The following TRAPPC8 variants were observed in gnomAD, a reference collection of about 807,000 sequenced individuals.
TRAPPC8 encodes trafficking protein particle complex subunit 8.
In TRAPPC8, 54 loss-of-function variants were observed where a neutral mutation model predicts 174.3. That is an observed-to-expected ratio of 0.31 (90% CI 0.25 to 0.39). The LOEUF (loss-of-function observed/expected upper bound fraction) is 0.39, where lower values mean the gene tolerates loss of function less well. Ranked by LOEUF, TRAPPC8 falls within the 10% of genes least tolerant of loss-of-function variation. The pLI is 1.00. For missense variants in TRAPPC8, 1,531 were observed against 1,699.1 expected, an observed-to-expected ratio of 0.90 and a Z score of 1.74; for synonymous variants, 630 against 579.9, an observed-to-expected ratio of 1.09 and a Z score of -1.24.
chr18:31,888,465 T>C (rs1358465728), intron 12 of TRAPPC8, among the ~76,000 whole-genome samples: 2 of 152,166 alleles, frequency 1.3e-5, no homozygotes, highest in Non-Finnish European at 2.9e-5. Flanking sequence ...ATGGCACACA[T>C]ATGTTCACTG....
intron 11 of TRAPPC8, among the ~76,000 whole-genome samples, chr18:31,894,664 C>T (rs538009573): frequency 3.9e-5 from 6 of 152,092 alleles, no homozygotes; most frequent in East Asian, 1.9e-4. Flanking sequence ...GTTGATAAAG[C>T]CACCAGTTGC....
intron 12 of TRAPPC8, among the ~76,000 whole-genome samples, chr18:31,875,180 A>T (rs971837520): frequency 8.5e-5 from 13 of 152,114 alleles, no homozygotes; most frequent in African/African-American, 3.1e-4. Context: ...GAAGCATGCT[A>T]TGTCTACAAA....
intron 9 of TRAPPC8, among the ~76,000 whole-genome samples, chr18:31,904,214 C>A (rs534817883): frequency 2.8e-5 from 4 of 143,700 alleles, no homozygotes; most frequent in Non-Finnish European, 4.5e-5. Context: ...CCAGCCTGGG[C>A]AACAGAGCAA....
intron 17 of TRAPPC8, 65 bp from the exon 18 acceptor site, chr18:31,867,040 T>C (rs981947332): frequency 8.5e-6 from 13 of 1,524,122 alleles, no homozygotes; most frequent in Non-Finnish European, 1.2e-5. Flanking sequence ...CAATACCTAA[T>C]TCTATAATGT....
chr18:31,850,902 T>A (rs1311066067), intron 24 of TRAPPC8, among the ~76,000 whole-genome samples: 1 of 152,118 alleles, frequency 6.6e-6, no homozygotes, highest in Non-Finnish European at 1.5e-5. Context: ...TTAAAAGTTT[T>A]TAAAGAAATT....
intron 12 of TRAPPC8, among the ~76,000 whole-genome samples, chr18:31,883,904 G>A (rs1163022387): frequency 1.3e-5 from 2 of 152,164 alleles, no homozygotes; most frequent in African/African-American, 4.8e-5. Context: ...AAACCAGTTG[G>A]GAGGTCGAGC....
At chr18:31,898,629 T>A (rs1333388490) in intron 10 of TRAPPC8, among the ~76,000 whole-genome samples, 1 of 152,242 alleles carries the variant, frequency 6.6e-6, no homozygotes, top group African/African-American at 2.4e-5. Flanking sequence ...GGTAGTACCA[T>A]TAGGATATTT....
intron 1 of TRAPPC8, among the ~76,000 whole-genome samples, chr18:31,933,020 A>AAAG (rs1568153937): frequency 6.9e-4 from 89 of 128,924 alleles, no homozygotes; most frequent in African/African-American, 2.4e-3. Context: ...AAAAAAAAAA[A>AAAG]GCCGGGCGCA....
intron 2 of TRAPPC8, among the ~76,000 whole-genome samples, chr18:31,928,534 GA>G (rs951117879): frequency 7.4e-5 from 11 of 149,436 alleles, no homozygotes; most frequent in African/African-American, 2.5e-4. Flanking sequence ...TTAAAAATAA[GA>G]AAAAAAAATA....
At chr18:31,845,160 G>A (rs1370738236) in intron 26 of TRAPPC8, 23 of 146,160 alleles carry the variant, frequency 1.6e-4, no homozygotes, top group African/African-American at 5.2e-4. Flanking sequence ...CAGCCTGGGC[G>A]ACAGCGAGAC....
chr18:31,900,856 G>C, intron 10 of TRAPPC8, 69 bp downstream of exon 10: 1 of 1,180,760 alleles, frequency 8.5e-7, no homozygotes, highest in South Asian at 1.4e-5. Flanking sequence ...TTAGGAATGG[G>C]GAAAAAAAAA....
chr18:31,917,262 G>A (rs888076097), intron 3 of TRAPPC8, among the ~76,000 whole-genome samples: 2 of 151,938 alleles, frequency 1.3e-5, no homozygotes, highest in African/African-American at 4.8e-5. Flanking sequence ...AGTTAACATT[G>A]TTTAGATTTT....
At chr18:31,880,010 A>G (rs2035340788) in intron 12 of TRAPPC8, among the ~76,000 whole-genome samples, 1 of 146,566 alleles carries the variant, frequency 6.8e-6, no homozygotes, top group African/African-American at 2.5e-5. Flanking sequence ...GAAGCCCAAG[A>G]TAGCTGGATT....
intron 27 of TRAPPC8, among the ~76,000 whole-genome samples, chr18:31,834,850 A>G (rs1275374936): frequency 2.0e-5 from 3 of 151,946 alleles, no homozygotes; most frequent in Non-Finnish European, 2.9e-5. Flanking sequence ...CCATTTCCTC[A>G]CATTTCTACT....
At chr18:31,834,888 G>C (rs1236295748) in intron 27 of TRAPPC8, among the ~76,000 whole-genome samples, 1 of 152,062 alleles carries the variant, frequency 6.6e-6, no homozygotes, top group African/African-American at 2.4e-5. Flanking sequence ...ATTAAATTAA[G>C]AATGCTTCCT....
intron 26 of TRAPPC8, among the ~76,000 whole-genome samples, chr18:31,841,193 A>C (rs1598588491): frequency 6.6e-6 from 1 of 152,190 alleles, no homozygotes; most frequent in East Asian, 1.9e-4. Context: ...CTGGAATAGA[A>C]AAGGAACTTG....
intron 2 of TRAPPC8, among the ~76,000 whole-genome samples, chr18:31,929,305 A>G (rs190395330): frequency 1.3e-5 from 2 of 152,242 alleles, no homozygotes; most frequent in East Asian, 1.9e-4. Context: ...TGTAATCTCA[A>G]CACTTTGAGA....
At chr18:31,898,131 T>G (rs999126416) in intron 10 of TRAPPC8, among the ~76,000 whole-genome samples, 1 of 152,084 alleles carries the variant, frequency 6.6e-6, no homozygotes, top group African/African-American at 2.4e-5. Context: ...CTATATTACT[T>G]ATAATACCTA....
At chr18:31,906,233 C>T (rs1239397162) in intron 9 of TRAPPC8, among the ~76,000 whole-genome samples, 1 of 144,568 alleles carries the variant, frequency 6.9e-6, no homozygotes, top group Non-Finnish European at 1.5e-5. Flanking sequence ...CCCAGCTATT[C>T]AGGAAACTTA....
Sources: gnomAD v4.1 joint callset for allele counts (sites outside exome capture counted in the v4.1 genomes callset) on GRCh38, gnomAD v4.1.1 for gene constraint, MANE v1.5 for transcripts, NCBI Gene and HGNC (gene_info 2026-07-23, HGNC 2026-07-21) for gene names.